SIRT4: variants seen among roughly 807,000 people sequenced by gnomAD.
The protein encoded by SIRT4 is NAD-dependent protein lipoamidase sirtuin-4, mitochondrial.
Under a neutral mutation model 26.1 loss-of-function variants are expected in SIRT4, and 23 were observed. That is an observed-to-expected ratio of 0.88 (90% CI 0.63 to 1.25). The LOEUF is 1.25. Among genes scored for constraint, SIRT4 ranks in the 50% most tolerant of loss-of-function variants. The probability of loss-of-function intolerance (pLI) is 0.00; values close to 1 mark genes in which losing one functional copy is unlikely to be tolerated. For missense variants in SIRT4, 361 were observed against 405.4 expected (o/e 0.89, Z 0.94); for synonymous variants, 155 against 158.4 (o/e 0.98, Z 0.16).
chr12:120,300,856 T>C (rs1411799425), upstream of SIRT4, among the ~76,000 whole-genome samples: 1 of 152,156 alleles, frequency 6.6e-6, no homozygotes, highest in African/African-American at 2.4e-5. Flanking sequence ...ATTTAGGTGA[T>C]GCTGCAGAGC....
chr12:120,292,909 C>CGTT, the SIRT4 span, among the ~76,000 whole-genome samples: 1 of 152,222 alleles, frequency 6.6e-6, no homozygotes, highest in Non-Finnish European at 1.5e-5. Context: ...AAATCAGCAA[C>CGTT]TCCAACTTTC....
In SIRT4 at chr12:120,303,951, CTG is replaced by C. The variant is rs772353626; in HGVS notation, c.391_392del (p.Trp131GlyfsTer64). ...PNPAHWALST[W>X]EKLGKLYWLV... is the part of the protein sequence containing the mutation. ...ACCCTGCACACTGGGCTTTGAGCAC[CTG>C]GGAGAAACTCGGAAAGCTGTACTGG... On this transcript the variant is annotated frameshift_variant, in exon 2 of 4. Transcript: ENST00000202967. LOFTEE classifies it high-confidence loss of function. The C allele has an allele frequency of 2.2e-5, 35 of 1,614,062 alleles. No homozygotes were observed. Among genetic ancestry groups the C allele is most frequent in the Non-Finnish European group, 2.9e-5 (34 of 1,180,052 alleles).
the SIRT4 span, among the ~76,000 whole-genome samples, chr12:120,294,181 A>C: frequency 6.6e-6 from 1 of 151,394 alleles, no homozygotes; most frequent in Non-Finnish European, 1.5e-5. Context: ...TTTAGTAGAG[A>C]CAGGATTTCA....
At chr12:120,310,782 C>G (rs11065078) in intron 2 of SIRT4, among the ~76,000 whole-genome samples, 1 of 150,296 alleles carries the variant, frequency 6.7e-6, no homozygotes, top group Non-Finnish European at 1.5e-5. Flanking sequence ...GTTGCCCAGG[C>G]TGGAGTGCAG....
chr12:120,292,978 A>T, the SIRT4 span: 1 of 152,154 alleles, frequency 6.6e-6, no homozygotes, highest in East Asian at 1.9e-4. Flanking sequence ...TCAGCTGGTA[A>T]GACACTTCCC....
chr12:120,308,401 C>T (rs1196271727), intron 2 of SIRT4, among the ~76,000 whole-genome samples: 1 of 151,418 alleles, frequency 6.6e-6, no homozygotes, highest in Admixed American at 6.6e-5. Context: ...GAACTCACTC[C>T]TGACCTCGTG....
the SIRT4 span, among the ~76,000 whole-genome samples, chr12:120,296,086 C>CAAAAAAAAAA: frequency 2.5e-5 from 1 of 40,188 alleles, no homozygotes; most frequent in Non-Finnish European, 4.3e-5. Flanking sequence ...GACTCCGTCT[C>CAAAAAAAAAA]AAAAAAAAAA....
upstream of SIRT4, among the ~76,000 whole-genome samples, chr12:120,300,793 A>G (rs1045808965): frequency 2.6e-5 from 4 of 152,146 alleles, no homozygotes; most frequent in African/African-American, 4.8e-5. Context: ...GTGGTCTTCA[A>G]GGTCCCTGCT....
In SIRT4 at chr12:120,312,587, A is replaced by T; in HGVS notation, c.629A>T (p.Glu210Val). Reference sequence around the variant, plus strand: ...GATGGTGACGTCTTTCTCTCAGAGGAGCAAGTCCGGAGCTTTCAGGTCCCA... The same window carrying T: ...GATGGTGACGTCTTTCTCTCAGAGGTGCAAGTCCGGAGCTTTCAGGTCCCA... ...APDGDVFLSEEQVRSFQVPTC... is the reference protein window; with the variant it reads ...APDGDVFLSEVQVRSFQVPTC... Residue 210 changes from glutamate to valine, a missense_variant, in exon 3 of 4, where the codon GAG becomes GTG. Coordinates refer to ENST00000202967, the MANE Select transcript of SIRT4 (RefSeq NM_012240.3). The T allele has an allele frequency of 6.2e-7, 1 of 1,614,074 alleles. No homozygotes were observed. The highest frequency in any genetic ancestry group is 1.3e-5 in the African/African-American group (1 of 75,014).
chr12:120,295,205 G>A, the SIRT4 span, among the ~76,000 whole-genome samples: 1 of 126,544 alleles, frequency 7.9e-6, no homozygotes, highest in South Asian at 2.7e-4. Context: ...ATCAGCTTAA[G>A]TTTCTGTTTT....
upstream of SIRT4, among the ~76,000 whole-genome samples, chr12:120,297,360 A>G (rs1188586623): frequency 6.6e-6 from 1 of 150,442 alleles, no homozygotes; most frequent in South Asian, 2.1e-4. Context: ...GAAAAAGACT[A>G]AAGCCCTAAT....
At chr12:120,308,507 T>G (rs1241404566) in intron 2 of SIRT4, among the ~76,000 whole-genome samples, 1 of 152,130 alleles carries the variant, frequency 6.6e-6, no homozygotes, top group African/African-American at 2.4e-5. Context: ...GGGCTTGAGA[T>G]TGGCTCAGGT....
At chr12:120,299,072 A>T (rs1024311527), upstream of SIRT4, among the ~76,000 whole-genome samples, 6 of 148,342 alleles carry the variant, frequency 4.0e-5, no homozygotes, top group Non-Finnish European at 7.4e-5. Flanking sequence ...TAAAAAAAAA[A>T]TACAAAAAAT....
intron 2 of SIRT4, among the ~76,000 whole-genome samples, chr12:120,304,419 G>A (rs1592896573): frequency 6.6e-6 from 1 of 152,072 alleles, no homozygotes; most frequent in Admixed American, 6.6e-5. Flanking sequence ...GGAGGCTGAG[G>A]TGGGCAGATC....
At chr12:120,299,871 T>C (rs993768789), upstream of SIRT4, among the ~76,000 whole-genome samples, 1 of 152,160 alleles carries the variant, frequency 6.6e-6, no homozygotes, top group South Asian at 2.1e-4. Flanking sequence ...TTAATGAATA[T>C]AGTGACTTGG....
upstream of SIRT4, among the ~76,000 whole-genome samples, chr12:120,300,030 A>G (rs1872487597): frequency 6.6e-6 from 1 of 152,148 alleles, no homozygotes; most frequent in African/African-American, 2.4e-5. Context: ...CACACCTGTA[A>G]TCCCAGCACT....
intron 2 of SIRT4, among the ~76,000 whole-genome samples, chr12:120,311,273 T>G (rs1872958160): frequency 6.6e-6 from 1 of 151,060 alleles, no homozygotes; most frequent in African/African-American, 2.4e-5. Context: ...GAGAATTGCT[T>G]GAACCTGGGA....
intron 2 of SIRT4, among the ~76,000 whole-genome samples, chr12:120,310,162 G>A (rs981688336): frequency 6.6e-6 from 1 of 152,010 alleles, no homozygotes; most frequent in Admixed American, 6.6e-5. Context: ...AGGCGTGGTG[G>A]CTCACGTCTG....
chr12:120,300,835 T>C (rs1282329505), upstream of SIRT4, among the ~76,000 whole-genome samples: 1 of 152,202 alleles, frequency 6.6e-6, no homozygotes, highest in Non-Finnish European at 1.5e-5. Flanking sequence ...AAGACACTTA[T>C]ACATTTATTG....
Sources: gnomAD v4.1 joint callset for allele counts (sites outside exome capture counted in the v4.1 genomes callset) on GRCh38, gnomAD v4.1.1 for gene constraint, MANE v1.5 for transcripts, NCBI Gene and HGNC (gene_info 2026-07-23, HGNC 2026-07-21) for gene names.